Variants in HOMER2 observed in about 807,000 individuals in gnomAD.
HOMER2 encodes homer protein homolog 2.
In HOMER2, 27 loss-of-function variants were observed where a neutral mutation model predicts 47.0. That is an observed-to-expected ratio of 0.57 (90% confidence interval 0.42 to 0.79). The LOEUF (loss-of-function observed/expected upper bound fraction) is 0.79, where lower values mean the gene tolerates loss of function less well. Ranked by LOEUF, HOMER2 falls within the 30% of genes least tolerant of loss-of-function variation. The probability of loss-of-function intolerance (pLI) is 0.00; values close to 1 mark genes in which losing one functional copy is unlikely to be tolerated. For missense variants in HOMER2, 443 were observed against 435.0 expected, an observed-to-expected ratio of 1.02 and a Z score of -0.16; for synonymous variants, 161 against 163.8, an observed-to-expected ratio of 0.98 and a Z score of 0.13.
At chr15:82,848,169 CAGG>C (rs978187103), downstream of HOMER2, among the ~76,000 whole-genome samples, 1 of 152,128 alleles carries the variant, frequency 6.6e-6, no homozygotes, top group Non-Finnish European at 1.5e-5. Flanking sequence ...GGAAGGAGAG[CAGG>C]AGGACTCGTG....
chr15:82,859,314 T>TA, intron 4 of HOMER2, 179 bp from the exon 5 acceptor site: 3 of 820,946 alleles, frequency 3.7e-6, no homozygotes, highest in East Asian at 2.5e-5. Flanking sequence ...GTTTTTTTTT[T>TA]AAACAAACAA....
chr15:82,878,436 G>A (rs1279319366), intron 2 of HOMER2, among the ~76,000 whole-genome samples: 1 of 152,226 alleles, frequency 6.6e-6, no homozygotes, highest in Non-Finnish European at 1.5e-5. Flanking sequence ...TATAATGTAT[G>A]TCTTACTTAC....
chr15:82,933,646 G>A (rs1411248986), intron 1 of HOMER2, among the ~76,000 whole-genome samples: 1 of 152,138 alleles, frequency 6.6e-6, no homozygotes, highest in East Asian at 1.9e-4. Flanking sequence ...TATACTTAGG[G>A]GACCTCTGGT....
intron 3 of HOMER2, among the ~76,000 whole-genome samples, chr15:82,869,671 T>G (rs917437833): frequency 5.3e-5 from 8 of 152,060 alleles, no homozygotes; most frequent in African/African-American, 1.7e-4. Flanking sequence ...TTGGCCAGGC[T>G]GGTCTCGAAC....
chr15:82,835,371 AC>A (rs2051114873), downstream of HOMER2: 1 of 152,220 alleles, frequency 6.6e-6, no homozygotes, highest in Admixed American at 6.5e-5. Flanking sequence ...TGATCCTCCC[AC>A]CTTGGCCTCC....
At chr15:82,881,815 C>G (rs566016386) in intron 2 of HOMER2, among the ~76,000 whole-genome samples, 24 of 152,322 alleles carry the variant, frequency 1.6e-4, no homozygotes, top group Admixed American at 1.4e-3. Flanking sequence ...TGGATGACCT[C>G]TAAGGTCTCT....
At chr15:82,964,900 T>C (rs2054660110) in intron 1 of HOMER2, among the ~76,000 whole-genome samples, 2 of 152,388 alleles carry the variant, frequency 1.3e-5, no homozygotes, top group Non-Finnish European at 2.9e-5. Flanking sequence ...GGTTCCGTGC[T>C]CCATAGGTTT....
downstream of HOMER2, chr15:82,835,133 G>GGT (rs66616223): frequency 1.4e-5 from 2 of 147,754 alleles, no homozygotes; most frequent in African/African-American, 5.0e-5. Context: ...CAGTTTTTTT[G>GGT]TTTTTTTTTT....
upstream of HOMER2, chr15:82,985,895 G>A (rs899789729): frequency 1.6e-5 from 3 of 189,174 alleles, no homozygotes; most frequent in Non-Finnish European, 2.9e-5. Flanking sequence ...GACTCCGGGA[G>A]CAGGCGGCCG....
chr15:82,857,728 GC>G (rs1403025208), intron 5 of HOMER2, among the ~76,000 whole-genome samples: 1 of 152,072 alleles, frequency 6.6e-6, no homozygotes, highest in Non-Finnish European at 1.5e-5. Flanking sequence ...ACCACGCCCA[GC>G]CAATACAGAT....
Position 82,965,768 on chromosome 15 carries a change from C to G in HOMER2, n.83-6460G>C, listed in dbSNP as rs550935160. ...TGAAGAGAAGTGGGTCCTCAAAGCC[C>G]TTTTTTTTTTTTTTATTTTCCAGCA... On this transcript the variant is annotated intron_variant and non_coding_transcript_variant, in intron 1 of 1. Transcript: ENST00000500334. Among the ~76,000 whole-genome samples the G allele has an allele frequency of 3.1e-3, 442 of 144,654 alleles. 3 individuals carry two copies. The highest frequency in any genetic ancestry group is 0.011 in the African/African-American group (427 of 39,576). The allele number at this position is 144,654 out of a possible 152,430, so 94.9% of individuals were successfully genotyped here.
downstream of HOMER2, chr15:82,847,378 G>T (rs1268298266): frequency 2.6e-5 from 4 of 152,168 alleles, no homozygotes; most frequent in Non-Finnish European, 5.9e-5. Context: ...TCCCTTTAAG[G>T]GAGTCCTTAC....
chr15:82,931,387 T>C (rs1191160696), intron 1 of HOMER2, among the ~76,000 whole-genome samples: 1 of 152,116 alleles, frequency 6.6e-6, no homozygotes, highest in Non-Finnish European at 1.5e-5. Flanking sequence ...AGGCAAAGCT[T>C]TCAGAACATT....
intron 1 of HOMER2, among the ~76,000 whole-genome samples, chr15:82,925,321 G>A (rs1405631247): frequency 6.6e-6 from 1 of 152,166 alleles, no homozygotes; most frequent in African/African-American, 2.4e-5. Flanking sequence ...CATTAGGCAG[G>A]ACCTGGTGCC....
chr15:82,841,915 A>C (rs1206118342), exon 2 of HOMER2: 2 of 152,252 alleles, frequency 1.3e-5, no homozygotes, highest in Non-Finnish European at 2.9e-5. Flanking sequence ...CATATGGTCA[A>C]AGTGCTAAAA....
chr15:82,850,860 C>G (rs569613671), intron 8 of HOMER2, among the ~76,000 whole-genome samples: 4 of 152,172 alleles, frequency 2.6e-5, no homozygotes, highest in South Asian at 2.1e-4. Flanking sequence ...GCCGCCCCCC[C>G]GCTCCTCACC....
In HOMER2 at chr15:82,972,785, A is replaced by G. The variant is rs151218972; in HGVS notation, n.82+13002T>C. On this transcript the variant is annotated intron_variant and non_coding_transcript_variant, in intron 1 of 1. Coordinates refer to the HOMER2 transcript ENST00000500334. ...CACAGCAGGAATTTCAAAGCCTCAGATATGGATAATAACCGCAGGTGACGT... is the reference window on the plus strand; with the variant it reads ...CACAGCAGGAATTTCAAAGCCTCAGGTATGGATAATAACCGCAGGTGACGT... 4.0e-3 allele frequency among the ~76,000 whole-genome samples: 614 copies of G among 152,338 alleles called. 3 individuals are homozygous for G. The highest frequency in any genetic ancestry group is 0.01 in the African/African-American group (423 of 41,582).
At chr15:82,954,449 C>T (rs192802399), upstream of HOMER2, among the ~76,000 whole-genome samples, 3 of 149,468 alleles carry the variant, frequency 2.0e-5, no homozygotes, top group Admixed American at 2.0e-4. Flanking sequence ...AGGCGCATGC[C>T]ACCACGCCCA....
chr15:82,851,885 A>G (rs998740672), intron 7 of HOMER2, among the ~76,000 whole-genome samples: 1 of 152,176 alleles, frequency 6.6e-6, no homozygotes, highest in Non-Finnish European at 1.5e-5. Context: ...AACGCATCTG[A>G]GTGTCTTGTG....
Sources: gnomAD v4.1 joint callset for allele counts (sites outside exome capture counted in the v4.1 genomes callset) on GRCh38, gnomAD v4.1.1 for gene constraint, MANE v1.5 for transcripts, NCBI Gene and HGNC (gene_info 2026-07-23, HGNC 2026-07-21) for gene names.